Variants in CDK12 observed in about 807,000 individuals in gnomAD.
CDK12 encodes cyclin dependent kinase 12, also known as cyclin-dependent kinase 12.
CDK12 carries 17 observed loss-of-function variants against 133.8 expected under a neutral mutation model. The observed-to-expected ratio is 0.13, with a 90% CI of 0.09 to 0.19. The LOEUF is 0.19. CDK12 is among the 10% of genes least tolerant of loss of function. CDK12 has a pLI of 1.00. For missense variants in CDK12, 1,508 were observed against 1,818.7 expected, an observed-to-expected ratio of 0.83 and a Z score of 3.11; for synonymous variants, 694 against 683.6, an observed-to-expected ratio of 1.02 and a Z score of -0.24.
In CDK12 at chr17:39,522,600, A is replaced by T. The variant is rs534421526; in HGVS notation, c.3096-2074A>T. On this transcript the variant is annotated intron_variant, in intron 11 of 13. Transcript: ENST00000447079. ...AGGAGCCCGGCACCACAGCTGGCTA[A>T]TTTTTGTATTTTTAGTAGAGATGAG... Among the ~76,000 whole-genome samples the T allele has an allele frequency of 4.6e-5, 7 of 151,898 alleles. No individual in the cohort carries two copies. In the East Asian group the frequency reaches 1.4e-3, roughly 30 times the overall value.
In CDK12 at chr17:39,461,666, C is replaced by G; in HGVS notation, c.-406C>G. The stretch of plus-strand genomic sequence containing the variant: ...AGGAAGCCGTCCTGAACCGGGCTAC[C>G]GGGTAGGGGAAGGGCCCGCGTAGTC... On this transcript the variant is annotated 5_prime_UTR_variant, in exon 1 of 14. Coordinates refer to ENST00000447079, the MANE Select transcript of CDK12 (RefSeq NM_016507.4). 3.5e-6 allele frequency: 1 copy of G among 285,564 alleles called. No individual in the cohort carries two copies. The highest frequency in any genetic ancestry group is 4.6e-5 in the Admixed American group (1 of 21,594). The allele number at this position is 285,564 out of a possible 1,614,324, so 17.7% of individuals were successfully genotyped here.
At position 39,476,711 on chromosome 17, in the gene CDK12, C is replaced by CT. The variant is rs879840168; in HGVS notation, c.1931+4977dup. Among the ~76,000 whole-genome samples, 210 of 84,516 alleles carry CT rather than the reference C, an allele frequency of 2.5e-3. 19 individuals are homozygous for CT. The highest frequency in any genetic ancestry group is 8.9e-3 in the African/African-American group (156 of 17,554). 55.4% of individuals were successfully genotyped at this position (84,516 alleles called of 152,430 possible). ...TACAGGCATGAGCCACCATGCCTGC[C>CT]TTTTTTTTTTTTTTTTTTTTTTTTT... On this transcript the variant is annotated intron_variant, in intron 2 of 13. Coordinates refer to ENST00000447079, the MANE Select transcript of CDK12 (RefSeq NM_016507.4).
At chr17:39,556,740 A>G (rs1220493433) in intron 3 of CDK12, 1 of 151,488 alleles carries the variant, frequency 6.6e-6, no homozygotes, top group Non-Finnish European at 1.5e-5. Context: ...TCTCCTATCC[A>G]TAGGGTAGAT....
intron 6 of CDK12, among the ~76,000 whole-genome samples, chr17:39,502,147 A>AGTT (rs1555566495): frequency 9.0e-6 from 1 of 111,024 alleles, no homozygotes; most frequent in Non-Finnish European, 1.9e-5. Flanking sequence ...CTGGCATACT[A>AGTT]GTTTGTTTGT....
intron 3 of CDK12, among the ~76,000 whole-genome samples, chr17:39,562,861 TTCTC>T (rs907894157): frequency 1.3e-5 from 2 of 151,148 alleles, no homozygotes; most frequent in African/African-American, 4.8e-5. Context: ...CCTCCTTTCT[TTCTC>T]TGTCTCTCTC....
chr17:39,533,457 C>G lies in CDK12; in HGVS notation c.*2141C>G, dbSNP rs182651967. On this transcript the variant is annotated 3_prime_UTR_variant, in exon 14 of 14. Coordinates refer to ENST00000447079, the MANE Select transcript of CDK12 (RefSeq NM_016507.4). ...CCACTCCCTGTTTTTTATTAAAGAA[C>G]GTGAGCCTGGGATACTTTCAGAAGT... 149 of 232,934 alleles carry G rather than the reference C, an allele frequency of 6.4e-4. No individual in the cohort carries two copies. The highest frequency in any genetic ancestry group is 3.0e-3 in the African/African-American group (135 of 45,368). The allele number at this position is 232,934 out of a possible 1,614,324, so 14.4% of individuals were successfully genotyped here.
intron 2 of CDK12, among the ~76,000 whole-genome samples, chr17:39,482,598 C>CTTTTTTTTTT (rs1440834572): frequency 1.0e-3 from 56 of 53,514 alleles, no homozygotes; most frequent in South Asian, 3.4e-3. Context: ...CAATCAACTA[C>CTTTTTTTTTT]ATTTTTTTTT....
At chr17:39,494,745 C>CT (rs1294174739) in intron 5 of CDK12, 51 bp downstream of exon 5, 6 of 1,215,666 alleles carry the variant, frequency 4.9e-6, no homozygotes, top group Admixed American at 5.9e-5. Flanking sequence ...CAATCTTTGC[C>CT]TTTCTTTTTT....
chr17:39,466,615 GAAAA>G (rs71147339), intron 1 of CDK12, among the ~76,000 whole-genome samples: 4 of 31,478 alleles, frequency 1.3e-4, no homozygotes, highest in Admixed American at 5.8e-4. Flanking sequence ...AACTCTATCT[GAAAA>G]AAAAAAAAAA....
chr17:39,545,505 T>TC (rs2055643220), upstream of CDK12, among the ~76,000 whole-genome samples: 1 of 148,062 alleles, frequency 6.8e-6, no homozygotes, highest in African/African-American at 2.5e-5. Context: ...GCTTTTTTTT[T>TC]TTTTTTTTTT....
intron 6 of CDK12, among the ~76,000 whole-genome samples, chr17:39,509,364 C>T (rs889763017): frequency 3.3e-5 from 5 of 152,074 alleles, no homozygotes; most frequent in Non-Finnish European, 5.9e-5. Context: ...TAATCTAGCA[C>T]GTTCTAGGTA....
intron 6 of CDK12, among the ~76,000 whole-genome samples, chr17:39,504,927 A>G (rs2052994391): frequency 1.3e-5 from 2 of 151,056 alleles, no homozygotes; most frequent in Non-Finnish European, 3.0e-5. Flanking sequence ...ATCTATAAAA[A>G]GGGAGCAGTT....
chr17:39,538,626 C>A (rs1176435105), downstream of CDK12, among the ~76,000 whole-genome samples: 1 of 152,156 alleles, frequency 6.6e-6, no homozygotes, highest in Admixed American at 6.5e-5. Context: ...TACCTGGGAG[C>A]GGTGGCTCAC....
Position 39,462,983 on chromosome 17 carries a change from C to G in CDK12, c.912C>G (p.Pro304=), listed in dbSNP as rs56403491. Residue 304 remains proline, a synonymous_variant, in exon 1 of 14, where the codon CCC becomes CCG. Coordinates refer to ENST00000447079, the MANE Select transcript of CDK12 (RefSeq NM_016507.4). ...PYSRRQRSVS[P]YSRRRSSSYE... ...GTAGGCGACAGAGATCTGTCAGTCC[C>G]TATAGCAGGAGACGGTCGTCCAGCT... The G allele has an allele frequency of 3.3e-3, 5,329 of 1,614,164 alleles. 6 individuals are homozygous for G. Among genetic ancestry groups the G allele is most frequent in the Non-Finnish European group, 4.3e-3 (5,044 of 1,180,020 alleles).
At chr17:39,495,384 GTTTTTTTT>G (rs60185847) in intron 5 of CDK12, among the ~76,000 whole-genome samples, 1 of 110,692 alleles carries the variant, frequency 9.0e-6, no homozygotes, top group African/African-American at 3.7e-5. Flanking sequence ...GGCCTCATGT[GTTTTTTTT>G]TTTTTTTTTT....
chr17:39,521,115 G>T (rs2054138573), intron 11 of CDK12, among the ~76,000 whole-genome samples: 2 of 152,136 alleles, frequency 1.3e-5, no homozygotes, highest in Admixed American at 1.3e-4. Flanking sequence ...AAAGTGCTGG[G>T]ATTACAGGCA....
rs1293816972 is a variant in CDK12 at position 39,526,104 on chromosome 17, C to A, written c.3548C>A (p.Pro1183His). The A allele has an allele frequency of 2.5e-6, 4 of 1,614,188 alleles. No individual in the cohort carries two copies. Among genetic ancestry groups the A allele is most frequent in the Non-Finnish European group, 3.4e-6 (4 of 1,180,026 alleles). ...CCAGAGGAGTCTTTGAAGGAAGCAC[C>A]CTCTGCCCCAGTGATCCTGCCTTCA... ...MAPEESLKEAPSAPVILPSAE... is the reference protein window; with the variant it reads ...MAPEESLKEAHSAPVILPSAE... The change falls in exon 13 of 14, where the codon CCC becomes CAC. Residue 1183 changes from proline to histidine, a missense_variant. Physicochemically the swap from Pro to His is moderately conservative, Grantham distance 77 (BLOSUM62 -2). Coordinates refer to ENST00000447079, the MANE Select transcript of CDK12 (RefSeq NM_016507.4).
At chr17:39,489,692 C>T (rs918753336) in intron 2 of CDK12, among the ~76,000 whole-genome samples, 2 of 148,610 alleles carry the variant, frequency 1.3e-5, no homozygotes, top group Non-Finnish European at 3.0e-5. Context: ...TGGGGTTTCC[C>T]TATGTTGGCC....
chr17:39,528,247 A>G (rs7226073), intron 13 of CDK12, among the ~76,000 whole-genome samples: 3 of 152,166 alleles, frequency 2.0e-5, no homozygotes, highest in Non-Finnish European at 2.9e-5. Flanking sequence ...AGGATTGACA[A>G]CATTGATACT....
Sources: allele counts gnomAD v4.1 joint callset (sites outside exome capture counted in the v4.1 genomes callset), GRCh38; gene constraint gnomAD v4.1.1; transcripts MANE v1.5; gene names NCBI Gene and HGNC (gene_info 2026-07-23, HGNC 2026-07-21).